Variants in SGSM3 observed in about 807,000 individuals in gnomAD.
The protein encoded by SGSM3 is RUN and SH3 containing 3.
Under a neutral mutation model 100.5 loss-of-function variants are expected in SGSM3, and 96 were observed. The observed-to-expected ratio is 0.96, with a 90% CI of 0.81 to 1.13. SGSM3 has a LOEUF of 1.13. Among genes scored for constraint, SGSM3 ranks in the 50% most tolerant of loss-of-function variants. The pLI is 0.00. For missense variants in SGSM3, 1,001 were observed against 1,015.8 expected, an observed-to-expected ratio of 0.99 and a Z score of 0.20; for synonymous variants, 483 against 422.8, an observed-to-expected ratio of 1.14 and a Z score of -1.75.
In SGSM3 at chr22:40,401,660, G is replaced by A. The variant is rs749738106; in HGVS notation, c.75G>A (p.Leu25=). ...LTPSIWPQEI[L]AKYTQKEESA... is the part of the protein sequence containing the mutation. The stretch of plus-strand genomic sequence containing the variant: ...CGAGCATATGGCCCCAGGAGATCTT[G>A]GCCAAGTACACGCAGGTATAGCAGT... The change falls in exon 3 of 22, where the codon TTG becomes TTA. Residue 25 remains leucine (L), a synonymous_variant. Transcript: ENST00000248929. 2 of 1,613,096 alleles carry A rather than the reference G, an allele frequency of 1.2e-6. No homozygotes were observed. The highest frequency in any genetic ancestry group is 1.7e-6 in the Non-Finnish European group (2 of 1,179,392).
intron 7 of SGSM3, 64 bp from the exon 8 acceptor site, chr22:40,405,585 G>C: frequency 2.0e-6 from 3 of 1,472,032 alleles, no homozygotes; most frequent in South Asian, 1.3e-5. Context: ...CCTAGGGTAG[G>C]GGCACCTTTT....
Position 40,408,919 on chromosome 22 carries a change from G to C in SGSM3, c.1903-14G>C. The C allele has an allele frequency of 2.5e-6, 4 of 1,613,550 alleles. No individual in the cohort carries two copies. Among genetic ancestry groups the C allele is most frequent in the Non-Finnish European group, 3.4e-6 (4 of 1,179,824 alleles). On this transcript the variant is annotated splice_polypyrimidine_tract_variant and intron_variant, in intron 18 of 21. Coordinates refer to ENST00000248929, the MANE Select transcript of SGSM3 (RefSeq NM_015705.6). ...TGGGGGAGCCTGAGTGACAGCTGAC[G>C]GTGCCGTTCCCAGGCTGTGCAGTCT...
chr22:40,380,752 A>C (rs998487651), intron 1 of SGSM3, among the ~76,000 whole-genome samples: 1 of 152,192 alleles, frequency 6.6e-6, no homozygotes, highest in Non-Finnish European at 1.5e-5. Flanking sequence ...CCTGGGCAAC[A>C]TAGTAAGACC....
intron 10 of SGSM3, 43 bp from the exon 11 acceptor site, chr22:40,406,971 TTCC>T: frequency 6.5e-7 from 1 of 1,547,218 alleles, no homozygotes; most frequent in Non-Finnish European, 8.7e-7. Flanking sequence ...GTGGGTTCTC[TTCC>T]TCCCGGGGCC....
rs558344479 is a variant in SGSM3, at chr22:40,407,336, G to A, written c.1368+8G>A. ...CCCAAAAACTGCAGCGTGGTGAGTC[G>A]CCAGCTCCCTGGGCTGCTACCAAAC... On this transcript the variant is annotated splice_region_variant and intron_variant, in intron 12 of 21. Coordinates refer to ENST00000248929, the MANE Select transcript of SGSM3 (RefSeq NM_015705.6). This position sits in a 1 kb window ranked among gnomAD's most constrained non-coding sequence, Gnocchi z 4.7. 56 of 1,613,304 alleles carry A rather than the reference G, an allele frequency of 3.5e-5. No homozygotes were observed. The highest frequency in any genetic ancestry group is 1.8e-4 in the South Asian group (16 of 91,074).
At position 40,409,893 on chromosome 22, in the gene SGSM3, A is replaced by G. The variant is rs2052365761; in HGVS notation, c.*134A>G. 1.4e-6 allele frequency: 2 copies of G among 1,427,242 alleles called. No homozygotes were observed. Among genetic ancestry groups the G allele is most frequent in the African/African-American group, 2.9e-5 (2 of 69,370 alleles). 88.4% of individuals were successfully genotyped at this position (1,427,242 alleles called of 1,614,324 possible). A position where few individuals can be genotyped will look rare whatever the true frequency, so the allele number is the denominator to read the frequency against. On this transcript the variant is annotated 3_prime_UTR_variant, in exon 22 of 22. Transcript: ENST00000248929. ...TATCAATATCAGGCTGCCCCACTCC[A>G]CGTTCCCCAGCACATCCCAGGTGGT... is the stretch of plus-strand genomic sequence containing the variant.
chr22:40,401,855 C>G (rs188432273), intron 3 of SGSM3, among the ~76,000 whole-genome samples, 180 bp downstream of exon 3: 4 of 152,192 alleles, frequency 2.6e-5, no homozygotes, highest in Admixed American at 1.3e-4. Context: ...GCACTATGCT[C>G]TCAGTATTAT....
At chr22:40,403,806 G>T (rs1387628323) in intron 4 of SGSM3, among the ~76,000 whole-genome samples, 1 of 152,206 alleles carries the variant, frequency 6.6e-6, no homozygotes, top group Non-Finnish European at 1.5e-5. Context: ...CAACAGGGAG[G>T]TCAGCAGGAG....
Position 40,409,281 on chromosome 22 carries a change from C to T in SGSM3, c.2020C>T (p.Leu674Phe). The change falls in exon 20 of 22, where the codon CTC (leucine) becomes TTC (phenylalanine). Residue 674 changes from leucine (L) to phenylalanine (F), a missense_variant. Coordinates refer to ENST00000248929, the MANE Select transcript of SGSM3 (RefSeq NM_015705.6). The stretch of plus-strand genomic sequence containing the variant: ...GGTGCTGCACCTGTGGCTGGAGGTG[C>T]TCTGCTCCAGCCTGCCCACCGTGGA... ...EQVLHLWLEV[L>F]CSSLPTVEKW... The T allele has an allele frequency of 6.2e-7, 1 of 1,611,694 alleles. No individual in the cohort carries two copies. The highest frequency in any genetic ancestry group is 2.2e-5 in the East Asian group (1 of 44,866).
chr22:40,378,865 TAGA>T (rs2047086387), intron 1 of SGSM3, among the ~76,000 whole-genome samples: 1 of 152,198 alleles, frequency 6.6e-6, no homozygotes, highest in Non-Finnish European at 1.5e-5. Flanking sequence ...GAGTTCTTTT[TAGA>T]AGATTTACCT....
chr22:40,404,412 G>A lies in SGSM3; in HGVS notation c.323G>A (p.Arg108His), dbSNP rs781088909. 5.2e-5 allele frequency: 84 copies of A among 1,606,666 alleles called. No individual in the cohort carries two copies. Among genetic ancestry groups the A allele is most frequent in the East Asian group, 6.7e-5 (3 of 44,826 alleles). ...AVSLPRSEKL[R>H]SLVLAGIPHG... Reference sequence around the variant, plus strand: ...TCCCTACCCCGCTCTGAGAAGCTCCGCTCCCTGGTGCTGGCCGGCATCCCA... The same window carrying A: ...TCCCTACCCCGCTCTGAGAAGCTCCACTCCCTGGTGCTGGCCGGCATCCCA... The change falls in exon 5 of 22, where the codon CGC (arginine) becomes CAC (histidine). Residue 108 changes from arginine (R) to histidine (H), a missense_variant. Physicochemically the swap from Arg to His is conservative, Grantham distance 29 (BLOSUM62 0). Coordinates refer to ENST00000248929, the MANE Select transcript of SGSM3 (RefSeq NM_015705.6).
At chr22:40,375,294 G>A (rs963858126) in intron 1 of SGSM3, among the ~76,000 whole-genome samples, 5 of 152,052 alleles carry the variant, frequency 3.3e-5, no homozygotes, top group Non-Finnish European at 7.4e-5. Context: ...AAATTAGATT[G>A]ATAGGCCGGT....
At position 40,409,885 on chromosome 22, in the gene SGSM3, C is replaced by T; in HGVS notation, c.*126C>T. The T allele has an allele frequency of 3.5e-6, 5 of 1,437,530 alleles. No individual in the cohort carries two copies. In the South Asian group the frequency reaches 6.0e-5, roughly 17 times the overall value. The allele number at this position is 1,437,530 out of a possible 1,614,324, so 89.0% of individuals were successfully genotyped here. On this transcript the variant is annotated 3_prime_UTR_variant, in exon 22 of 22. Coordinates refer to ENST00000248929, the MANE Select transcript of SGSM3 (RefSeq NM_015705.6). ...CCGCGGGATATCAATATCAGGCTGC[C>T]CCACTCCACGTTCCCCAGCACATCC... is the stretch of plus-strand genomic sequence containing the variant.
At chr22:40,406,971 T>C (rs773768827) in intron 10 of SGSM3, 46 bp from the exon 11 acceptor site, 25 of 1,547,218 alleles carry the variant, frequency 1.6e-5, no homozygotes, top group Non-Finnish European at 1.9e-5. Flanking sequence ...GTGGGTTCTC[T>C]TCCTCCCGGG....
rs1001511348 is a variant in SGSM3, at chr22:40,407,698, G to C, written c.1525-91G>C. Reference sequence around the variant, plus strand: ...TGTGAAGATGTAGGGGTCTTGGCCTGGCCTAGTTGCTGAGGAGTCATATCG... The same window carrying C: ...TGTGAAGATGTAGGGGTCTTGGCCTCGCCTAGTTGCTGAGGAGTCATATCG... On this transcript the variant is annotated intron_variant, in intron 13 of 21. Coordinates refer to ENST00000248929, the MANE Select transcript of SGSM3 (RefSeq NM_015705.6). This position sits in a 1 kb window ranked among gnomAD's most constrained non-coding sequence, Gnocchi z 4.7. 8 of 1,585,770 alleles carry C rather than the reference G, an allele frequency of 5.0e-6. No homozygotes were observed. In the Admixed American group the frequency reaches 8.4e-5, roughly 17 times the overall value.
intron 4 of SGSM3, among the ~76,000 whole-genome samples, chr22:40,402,612 G>A (rs903443907): frequency 1.3e-5 from 2 of 152,190 alleles, no homozygotes; most frequent in Non-Finnish European, 2.9e-5. Context: ...GATGGTGTGC[G>A]ACTGTAATCC....
At chr22:40,408,599 G>GCACT in intron 16 of SGSM3, 28 bp from the exon 17 acceptor site, 1 of 1,613,120 alleles carries the variant, frequency 6.2e-7, no homozygotes, top group South Asian at 1.1e-5. Context: ...TCCTGTCCCT[G>GCACT]CACTCACACC....
intron 1 of SGSM3, among the ~76,000 whole-genome samples, chr22:40,381,951 C>T (rs149555705): frequency 1.2e-3 from 183 of 152,268 alleles, no homozygotes; most frequent in Middle Eastern, 6.8e-3. Flanking sequence ...CAAAGTCAGA[C>T]GCTGTCTCAA....
At chr22:40,382,186 A>T (rs2047681527) in intron 1 of SGSM3, among the ~76,000 whole-genome samples, 1 of 152,212 alleles carries the variant, frequency 6.6e-6, no homozygotes, top group Admixed American at 6.5e-5. Context: ...AAGAGTTGAG[A>T]GGAGACTGAA....
Sources: allele counts gnomAD v4.1 joint callset (sites outside exome capture counted in the v4.1 genomes callset), GRCh38; gene constraint gnomAD v4.1.1; non-coding constraint Gnocchi (gnomAD v3.1); transcripts MANE v1.5; gene names NCBI Gene and HGNC (gene_info 2026-07-23, HGNC 2026-07-21).